SPATA20: variants seen among roughly 807,000 people sequenced by gnomAD.
SPATA20 encodes spermatogenesis-associated protein 20.
Under a neutral mutation model 98.9 loss-of-function variants are expected in SPATA20, and 74 were observed. That is an observed-to-expected ratio of 0.75 (90% confidence interval 0.62 to 0.91). SPATA20 has a LOEUF of 0.91. Among genes scored for constraint, SPATA20 ranks in the 40% least tolerant of loss-of-function variants. SPATA20 has a pLI of 0.00. For synonymous variants in SPATA20, 430 were observed against 440.5 expected (o/e 0.98, Z 0.30); for missense variants, 1,016 against 1,069.8 (o/e 0.95, Z 0.70).
Position 50,555,651 on chromosome 17 carries a change from C to A in SPATA20, c.2398C>A (p.Leu800Ile). ...TGATCCCTGCGAATTACGAAAACTA[C>A]TACATCCATGACTGCCCCAACCCCC... ...ITDPCELRKL[L>I]HP The change falls in exon 17 of 17, where the codon CTA (leucine) becomes ATA (isoleucine). Residue 800 changes from leucine to isoleucine, a missense_variant. Transcript: ENST00000006658. 6.2e-7 allele frequency: 1 copy of A among 1,613,930 alleles called. No homozygotes were observed. Among genetic ancestry groups the A allele is most frequent in the Non-Finnish European group, 8.5e-7 (1 of 1,179,920 alleles).
Position 50,551,212 on chromosome 17 carries a change from C to A in SPATA20, c.1576+22C>A, listed in dbSNP as rs777898429. On this transcript the variant is annotated intron_variant, in intron 12 of 16. Coordinates refer to ENST00000006658, the MANE Select transcript of SPATA20 (RefSeq NM_022827.4). ...AATGGTGGGGCAGCACACCTGAGACCGAGCCTGTCTGTAGGATCCCCCTTC... is the reference window on the plus strand; with the variant it reads ...AATGGTGGGGCAGCACACCTGAGACAGAGCCTGTCTGTAGGATCCCCCTTC... 11 of 1,589,914 alleles carry A rather than the reference C, an allele frequency of 6.9e-6. No individual in the cohort carries two copies. In the Admixed American group the frequency reaches 1.5e-4, roughly 22 times the overall value.
chr17:50,549,027 G>T lies in SPATA20; in HGVS notation c.517-16G>T, dbSNP rs201623031. 1.1e-5 allele frequency: 17 copies of T among 1,613,686 alleles called. No individual in the cohort carries two copies. Among genetic ancestry groups the T allele is most frequent in the Non-Finnish European group, 1.4e-5 (16 of 1,179,932 alleles). Reference sequence around the variant, plus strand: ...GCTCAGAGCAGCTCCCCTCACCCTCGCCCTCTCTCCGCCAGGCCACCAGCA... The same window carrying T: ...GCTCAGAGCAGCTCCCCTCACCCTCTCCCTCTCTCCGCCAGGCCACCAGCA... On this transcript the variant is annotated splice_polypyrimidine_tract_variant and intron_variant, in intron 5 of 16. Coordinates refer to ENST00000006658, the MANE Select transcript of SPATA20 (RefSeq NM_022827.4).
chr17:50,548,194 G>T (rs1015634241), intron 2 of SPATA20, 89 bp from the exon 3 acceptor site: 7 of 1,532,984 alleles, frequency 4.6e-6, no homozygotes, highest in Non-Finnish European at 5.3e-6. Context: ...GTCCTACTGG[G>T]GTGCTGAGTG....
At chr17:50,554,483 G>T in intron 15 of SPATA20, 33 bp downstream of exon 15, 1 of 1,599,464 alleles carries the variant, frequency 6.3e-7, no homozygotes. Flanking sequence ...CTGGGACCTC[G>T]GGTAGGAGGG....
chr17:50,547,229 G>T lies in SPATA20; in HGVS notation c.21G>T (p.Trp7Cys), dbSNP rs2034926840. ...CAGCCATGCTGGGCGCGCGGGCCTG[G>T]TTGGGCCGCGTCCTTCTGCTGCCCC... The part of the protein sequence containing the change: MLGARA[W>C]LGRVLLLPRA... The change falls in exon 1 of 17, where the codon TGG becomes TGT. Residue 7 changes from tryptophan (W) to cysteine (C), a missense_variant. By Grantham distance (215) the Trp-to-Cys change is radical. Coordinates refer to ENST00000006658, the MANE Select transcript of SPATA20 (RefSeq NM_022827.4). 1.4e-6 allele frequency: 2 copies of T among 1,415,240 alleles called. No homozygotes were observed. Among genetic ancestry groups the T allele is most frequent in the Admixed American group, 3.2e-5 (1 of 31,278 alleles). The allele number at this position is 1,415,240 out of a possible 1,614,324, so 87.7% of individuals were successfully genotyped here. A position where few individuals can be genotyped will look rare whatever the true frequency, so the allele number is the denominator to read the frequency against.
chr17:50,553,353 C>G (rs1227248727), intron 14 of SPATA20, among the ~76,000 whole-genome samples: 1 of 152,152 alleles, frequency 6.6e-6, no homozygotes, highest in East Asian at 1.9e-4. Context: ...GATTAGAGGA[C>G]ACCTGTGACA....
At position 50,551,064 on chromosome 17, in the gene SPATA20, G is replaced by T. The variant is rs768689024; in HGVS notation, c.1450G>T (p.Ala484Ser). 3.1e-6 allele frequency: 5 copies of T among 1,613,406 alleles called. No homozygotes were observed. In the Admixed American group the frequency reaches 8.3e-5, roughly 27 times the overall value. Residue 484 changes from alanine to serine, a missense_variant, in exon 12 of 17, where the codon GCC becomes TCC. Ala to Ser is a moderately conservative substitution (Grantham distance 99). Coordinates refer to ENST00000006658, the MANE Select transcript of SPATA20 (RefSeq NM_022827.4). ...CCGGTACTCGCTGGAGCTGACTGCTGCCCGCTTTGGCTTGGATGTGGAGGC... is the reference window on the plus strand; with the variant it reads ...CCGGTACTCGCTGGAGCTGACTGCTTCCCGCTTTGGCTTGGATGTGGAGGC... ...TVRYSLELTA[A>S]RFGLDVEAVR...
At position 50,549,147 on chromosome 17, in the gene SPATA20, A is replaced by T. The variant is rs1485072057; in HGVS notation, c.621A>T (p.Arg207=). The T allele has an allele frequency of 3.7e-6, 6 of 1,609,566 alleles. No homozygotes were observed. Among genetic ancestry groups the T allele is most frequent in the Non-Finnish European group, 5.1e-6 (6 of 1,177,688 alleles). ...TCCCTCCTGAGGATGGCTTGACCCG[A>T]GTCGGCTTCCGCACAGTGTTGCTGA... The part of the protein sequence containing the change: ...TYFPPEDGLT[R]VGFRTVLLRI... Residue 207 remains arginine, a synonymous_variant, in exon 6 of 17, where the codon CGA becomes CGT. Transcript: ENST00000006658.
At chr17:50,551,220 T>A (rs9913677) in intron 12 of SPATA20, 30 bp downstream of exon 12, 448,056 of 1,573,924 alleles carry the variant, frequency 0.28, 73,541 homozygotes, top group African/African-American at 0.71. Flanking sequence ...ACCGAGCCTG[T>A]CTGTAGGATC....
intron 12 of SPATA20, 55 bp downstream of exon 12, chr17:50,551,245 C>A: frequency 6.7e-7 from 1 of 1,485,992 alleles, no homozygotes. Context: ...TTCACAAAGC[C>A]CCTGTCTTTC....
At chr17:50,547,999 A>T (rs1350636378) in intron 2 of SPATA20, 12 of 1,479,826 alleles carry the variant, frequency 8.1e-6, no homozygotes, top group South Asian at 1.3e-5. Flanking sequence ...CATTCTGCCC[A>T]TTGTGACCCG....
rs752600976 is a variant in SPATA20, at chr17:50,551,512, C to T, written c.1578C>T (p.Gly526=). Residue 526 remains glycine (G), a splice_region_variant and synonymous_variant, in exon 13 of 17, where the codon GGC becomes GGT. Transcript: ENST00000006658. ...ACTACTTGTCTCTCCTGGCTCCAGG[C>T]TTGATGGTGTCAGGCTATGCTGTGA... ...LDSKMLAAWN[G]LMVSGYAVTG... is the part of the protein sequence containing the mutation. 5.7e-6 allele frequency: 9 copies of T among 1,589,840 alleles called. No homozygotes were observed. The highest frequency in any genetic ancestry group is 7.8e-6 in the Non-Finnish European group (9 of 1,160,090).
chr17:50,548,698 GGTCTTCCAGGAGACTAGAGGCCAGGAC>G, intron 4 of SPATA20, 80 bp downstream of exon 4: 1 of 1,587,502 alleles, frequency 6.3e-7, no homozygotes, highest in Non-Finnish European at 8.6e-7. Flanking sequence ...CGGCCTGGCG[GGTCTTCCAGGAGACTAGAGGCCAGGAC>G]GTCTTCCATG....
Position 50,549,490 on chromosome 17 carries a change from C to T in SPATA20, c.862+3C>T. ...GGCCCCCAAGTTTCCCACGCCGGGT[C>T]AGTGCCCCACGCCCGCCTTAGCCCA... On this transcript the variant is annotated splice_donor_region_variant and intron_variant, in intron 7 of 16. Transcript: ENST00000006658. 1.2e-6 allele frequency: 2 copies of T among 1,610,228 alleles called. No individual in the cohort carries two copies. Among genetic ancestry groups the T allele is most frequent in the South Asian group, 2.2e-5 (2 of 90,942 alleles).
intron 14 of SPATA20, among the ~76,000 whole-genome samples, 186 bp from the exon 15 acceptor site, chr17:50,554,065 A>G (rs907786607): frequency 2.6e-5 from 4 of 152,156 alleles, no homozygotes; most frequent in Non-Finnish European, 4.4e-5. Context: ...AGGGTGCCAT[A>G]AAAAAGACAG....
Position 50,551,997 on chromosome 17 carries a change from G to C in SPATA20, c.1774G>C (p.Asp592His). The change falls in exon 14 of 17, where the codon GAC becomes CAC. Residue 592 changes from aspartate to histidine, a missense_variant. Physicochemically the swap from Asp to His is moderately conservative, Grantham distance 81. Coordinates refer to ENST00000006658, the MANE Select transcript of SPATA20 (RefSeq NM_022827.4). Reference sequence around the variant, plus strand: ...CCCACCCTGCTGGGGCTTCCTGGAGGACTACGCCTTCGTGGTGCGGGGCCT... The same window carrying C: ...CCCACCCTGCTGGGGCTTCCTGGAGCACTACGCCTTCGTGGTGCGGGGCCT... Reference protein sequence around the residue: ...SNPPCWGFLEDYAFVVRGLLD... With the variant: ...SNPPCWGFLEHYAFVVRGLLD... 2 of 1,610,180 alleles carry C rather than the reference G, an allele frequency of 1.2e-6. No individual in the cohort carries two copies. The highest frequency in any genetic ancestry group is 1.7e-6 in the Non-Finnish European group (2 of 1,178,352).
At chr17:50,553,683 G>A (rs553799912) in intron 14 of SPATA20, among the ~76,000 whole-genome samples, 17 of 152,094 alleles carry the variant, frequency 1.1e-4, no homozygotes, top group African/African-American at 4.1e-4. Context: ...CGGCTGGCAA[G>A]GAGGTTTTAA....
Position 50,548,628 on chromosome 17 carries a change from C to G in SPATA20, c.361+10C>G, listed in dbSNP as rs1416932389. The stretch of plus-strand genomic sequence containing the variant: ...CCGATTTTCCTCTCAGGTAATGCTC[C>G]CACCTTCCCTGATGTGGGGGTGTGG... On this transcript the variant is annotated intron_variant, in intron 4 of 16. Transcript: ENST00000006658. The G allele has an allele frequency of 1.2e-6, 2 of 1,612,166 alleles. No homozygotes were observed. The highest frequency in any genetic ancestry group is 3.3e-5 in the Admixed American group (2 of 59,948).
intron 9 of SPATA20, 37 bp from the exon 10 acceptor site, chr17:50,550,498 AC>A: frequency 6.6e-7 from 1 of 1,507,098 alleles, no homozygotes; most frequent in Non-Finnish European, 9.1e-7. Flanking sequence ...CTCCCCAGTG[AC>A]CTCTCTGTTC....
Sources: gnomAD v4.1 joint callset for allele counts (sites outside exome capture counted in the v4.1 genomes callset) on GRCh38, gnomAD v4.1.1 for gene constraint, MANE v1.5 for transcripts, NCBI Gene and HGNC (gene_info 2026-07-23, HGNC 2026-07-21) for gene names.